Variants in GNPAT observed in about 807,000 individuals in gnomAD.
The protein encoded by GNPAT is dihydroxyacetone phosphate acyltransferase.
A neutral mutation model predicts 78.4 loss-of-function variants in GNPAT; 30 were observed. The ratio of observed to expected loss-of-function variants is 0.38; its 90% CI spans 0.29 to 0.52. GNPAT has a LOEUF of 0.52. Among genes scored for constraint, GNPAT ranks in the 20% least tolerant of loss-of-function variants. The pLI, the probability that GNPAT is intolerant of heterozygous loss-of-function variation, is 0.84. For missense variants in GNPAT, 714 were observed against 812.2 expected (o/e 0.88, Z 1.47); for synonymous variants, 271 against 281.1 (o/e 0.96, Z 0.36).
Position 231,241,417 on chromosome 1 carries a change from T to C in GNPAT, c.39T>C (p.Val13=). 1.2e-6 allele frequency: 2 copies of C among 1,613,980 alleles called. No individual in the cohort carries two copies. Among genetic ancestry groups the C allele is most frequent in the South Asian group, 2.2e-5 (2 of 91,076 alleles). The change falls in exon 1 of 16, where the codon GTT becomes GTC. Residue 13 remains valine (V), a synonymous_variant. Transcript: ENST00000366647. ...SSSSSNSYFS[V]GPTSPSAVVL... ...GTTCATCTAACTCTTATTTCTCCGT[T>C]GGCCCAACCAGTCCCAGCGCTGTCG...
chr1:231,245,848 A>T (rs1215625251), intron 1 of GNPAT, among the ~76,000 whole-genome samples: 1 of 152,106 alleles, frequency 6.6e-6, no homozygotes. Flanking sequence ...ACATGCCTGT[A>T]ATCCCAGCTA....
Position 231,241,258 on chromosome 1 carries a change from C to A in GNPAT, c.-121C>A, listed in dbSNP as rs573141457. The A allele has an allele frequency of 7.0e-6, 10 of 1,432,280 alleles. No individual in the cohort carries two copies. In the African/African-American group the frequency reaches 1.4e-4, roughly 20 times the overall value. 88.7% of individuals were successfully genotyped at this position (1,432,280 alleles called of 1,614,324 possible). On this transcript the variant is annotated 5_prime_UTR_variant, in exon 1 of 16. An upstream open reading frame in the 5' UTR gains an earlier in-frame stop. Transcript: ENST00000366647. ...CGCCCGGGATCCTGTGTAGCGGCTG[C>A]AGAGGGTGCCGCCGCCCTAGGCGAA...
In GNPAT at chr1:231,251,285, G is replaced by A. The variant is rs994832995; in HGVS notation, c.261+142G>A. The stretch of plus-strand genomic sequence containing the variant: ...TTTATCAAATAATTACTGTATCCGT[G>A]TGTGTTAGCCTCTTGCTAGACACTA... On this transcript the variant is annotated intron_variant, in intron 2 of 15. Transcript: ENST00000366647. 20 of 605,876 alleles carry A rather than the reference G, an allele frequency of 3.3e-5. No individual in the cohort carries two copies. In the African/African-American group the frequency reaches 3.7e-4, roughly 11 times the overall value. 37.5% of individuals were successfully genotyped at this position (605,876 alleles called of 1,614,324 possible).
At chr1:231,254,010 A>G (rs893245753) in intron 2 of GNPAT, among the ~76,000 whole-genome samples, 2 of 152,142 alleles carry the variant, frequency 1.3e-5, no homozygotes, top group East Asian at 1.9e-4. Flanking sequence ...ACAGGGTTTC[A>G]TCATGTTGGC....
In GNPAT at chr1:231,265,327, A is replaced by G; in HGVS notation, c.603A>G (p.Leu201=). The change falls in exon 5 of 16, where the codon CTA becomes CTG. Residue 201 remains leucine, a synonymous_variant. Coordinates refer to ENST00000366647, the MANE Select transcript of GNPAT (RefSeq NM_014236.4). ...FLGMKMVGEL[L]RMSGAFFMRR... ...GAATGAAAATGGTTGGTGAGCTGCT[A>G]CGAATGTCGGGTGCCTTTTTCATGC... is the stretch of plus-strand genomic sequence containing the variant. The G allele has an allele frequency of 6.2e-7, 1 of 1,612,174 alleles. No homozygotes were observed. The highest frequency in any genetic ancestry group is 8.5e-7 in the Non-Finnish European group (1 of 1,178,174).
Position 231,241,276 on chromosome 1 carries a change from T to G in GNPAT, c.-103T>G, listed in dbSNP as rs530924907. On this transcript the variant is annotated 5_prime_UTR_variant, in exon 1 of 16. Coordinates refer to ENST00000366647, the MANE Select transcript of GNPAT (RefSeq NM_014236.4). ...GCGGCTGCAGAGGGTGCCGCCGCCC[T>G]AGGCGAAGTAGGGCCGTCCTGAGCG... The G allele has an allele frequency of 3.1e-5, 44 of 1,402,394 alleles. No individual in the cohort carries two copies. Among genetic ancestry groups the G allele is most frequent in the Admixed American group, 2.5e-4 (15 of 59,760 alleles). The allele number at this position is 1,402,394 out of a possible 1,614,324, so 86.9% of individuals were successfully genotyped here.
At chr1:231,263,056 G>C (rs1685269002) in intron 4 of GNPAT, among the ~76,000 whole-genome samples, 2 of 152,106 alleles carry the variant, frequency 1.3e-5, no homozygotes, top group Admixed American at 1.3e-4. Context: ...CATGCACACA[G>C]GGTTCTTTGG....
intron 1 of GNPAT, among the ~76,000 whole-genome samples, chr1:231,249,060 T>C (rs546589933): frequency 6.6e-6 from 1 of 152,316 alleles, no homozygotes; most frequent in South Asian, 2.1e-4. Context: ...CTGATCCTTT[T>C]CTCCTTCCAC....
intron 14 of GNPAT, 138 bp downstream of exon 14, chr1:231,275,636 G>A (rs565128840): frequency 2.9e-6 from 2 of 692,772 alleles, no homozygotes; most frequent in South Asian, 3.1e-5. Flanking sequence ...CCTCTAATTA[G>A]TTAAGTCAGT....
chr1:231,265,578 TTGTTTAATTTTCAC>T, intron 5 of GNPAT, 120 bp from the exon 6 acceptor site: 1 of 885,780 alleles, frequency 1.1e-6, no homozygotes, highest in Non-Finnish European at 1.9e-6. Context: ...TGTGACTCTC[TTGTTTAATTTTCAC>T]TGTAAGCTGT....
chr1:231,262,143 A>G (rs1218898379), intron 3 of GNPAT, among the ~76,000 whole-genome samples: 1 of 152,222 alleles, frequency 6.6e-6, no homozygotes, highest in Non-Finnish European at 1.5e-5. Flanking sequence ...CATGACACCC[A>G]TTCACCCTGG....
At chr1:231,255,541 A>AGGG (rs1685029575) in intron 2 of GNPAT, among the ~76,000 whole-genome samples, 1 of 152,110 alleles carries the variant, frequency 6.6e-6, no homozygotes, top group South Asian at 2.1e-4. Flanking sequence ...TTCCTGCCCC[A>AGGG]GCCTCCTAAG....
Position 231,260,682 on chromosome 1 carries a change from A to G in GNPAT, c.437A>G (p.Lys146Arg). 2 of 1,550,360 alleles carry G rather than the reference A, an allele frequency of 1.3e-6. No individual in the cohort carries two copies. Among genetic ancestry groups the G allele is most frequent in the Non-Finnish European group, 1.8e-6 (2 of 1,121,922 alleles). Residue 146 changes from lysine to arginine, a missense_variant and splice_region_variant, in exon 3 of 16, where the codon AAA becomes AGA. Physicochemically the swap from Lys to Arg is conservative, Grantham distance 26. Transcript: ENST00000366647. Reference sequence around the variant, plus strand: ...TGTGTAAATGAAGAAGGTATTCAGAAAGTGAGTATTGATTATTAAAAAAAT... The same window carrying G: ...TGTGTAAATGAAGAAGGTATTCAGAGAGTGAGTATTGATTATTAAAAAAAT... ...KVCVNEEGIQ[K>R]LQRAIQEHPV...
intron 1 of GNPAT, among the ~76,000 whole-genome samples, chr1:231,246,088 G>A (rs548525235): frequency 6.6e-6 from 1 of 152,256 alleles, no homozygotes; most frequent in African/African-American, 2.4e-5. Context: ...CTGTGCTCTT[G>A]AGATTATTTG....
Position 231,275,472 on chromosome 1 carries a change from G to T in GNPAT, c.1911G>T (p.Arg637Ser). ...VQKNALAACV[R>S]LGVVEKKKIN... is the part of the protein sequence containing the mutation. ...AAAACGCCTTAGCAGCCTGTGTGAG[G>T]CTCGGAGTAGTGGAGAAGAAGAAGA... The change falls in exon 14 of 16, where the codon AGG becomes AGT. Residue 637 changes from arginine to serine, a missense_variant. Coordinates refer to ENST00000366647, the MANE Select transcript of GNPAT (RefSeq NM_014236.4). 6.2e-7 allele frequency: 1 copy of T among 1,605,568 alleles called. No homozygotes were observed. The highest frequency in any genetic ancestry group is 8.5e-7 in the Non-Finnish European group (1 of 1,172,226).
At chr1:231,277,004 G>A (rs774211229) in intron 15 of GNPAT, among the ~76,000 whole-genome samples, 15 of 152,136 alleles carry the variant, frequency 9.9e-5, no homozygotes, top group Non-Finnish European at 1.9e-4. Context: ...TGGGGCATAC[G>A]GAAAAGGAGA....
In GNPAT at chr1:231,272,333, G is replaced by T. The variant is rs373702989; in HGVS notation, c.1544G>T (p.Arg515Leu). ...CCAGAGGATGTCTACAGTTGCTTTCGCTTCCTACGTGATGTTTTTGCAGAT... is the reference window on the plus strand; with the variant it reads ...CCAGAGGATGTCTACAGTTGCTTTCTCTTCCTACGTGATGTTTTTGCAGAT... Reference protein sequence around the residue: ...FRKEDVYSCFRFLRDVFADEF... With the variant: ...FRKEDVYSCFLFLRDVFADEF... Residue 515 changes from arginine to leucine, a missense_variant, in exon 11 of 16, where the codon CGC becomes CTC. Transcript: ENST00000366647. The T allele has an allele frequency of 1.3e-6, 2 of 1,588,568 alleles. No homozygotes were observed. The highest frequency in any genetic ancestry group is 1.7e-6 in the Non-Finnish European group (2 of 1,157,588).
chr1:231,276,691 T>C (rs1216136638), intron 15 of GNPAT, among the ~76,000 whole-genome samples: 1 of 152,242 alleles, frequency 6.6e-6, no homozygotes, highest in African/African-American at 2.4e-5. Context: ...AGAAATAGTC[T>C]AGTCCAAAAA....
At chr1:231,258,504 T>C (rs535287534) in intron 2 of GNPAT, among the ~76,000 whole-genome samples, 1 of 152,146 alleles carries the variant, frequency 6.6e-6, no homozygotes, top group Admixed American at 6.5e-5. Context: ...CTTCAGCCTT[T>C]CTCTCAGGGG....
Sources: gnomAD v4.1 joint callset for allele counts (sites outside exome capture counted in the v4.1 genomes callset) on GRCh38, gnomAD v4.1.1 for gene constraint, MANE v1.5 for transcripts, NCBI Gene and HGNC (gene_info 2026-07-23, HGNC 2026-07-21) for gene names.